The following SLC12A7 variants were observed in gnomAD, a reference collection of about 807,000 sequenced individuals.
The protein encoded by SLC12A7 is solute carrier family 12 member 7.
In SLC12A7, 100 loss-of-function variants were observed where a neutral mutation model predicts 120.6. That is an observed-to-expected ratio of 0.83 (90% CI 0.71 to 0.98). The LOEUF (loss-of-function observed/expected upper bound fraction) is 0.98. Among genes scored for constraint, SLC12A7 ranks in the 50% least tolerant of loss-of-function variants. The pLI, the probability that SLC12A7 is intolerant of heterozygous loss-of-function variation, is 0.00. For synonymous variants in SLC12A7, 760 were observed against 678.0 expected (o/e 1.12, Z -1.88); for missense variants, 1,373 against 1,548.1 (o/e 0.89, Z 1.90).
At chr5:1,078,515 G>GA in intron 11 of SLC12A7, 186 bp downstream of exon 11, 2 of 638,564 alleles carry the variant, frequency 3.1e-6, no homozygotes, top group Non-Finnish European at 5.7e-6. Context: ...CGGTTCCCCA[G>GA]GCCCTAGGCT....
intron 1 of SLC12A7, among the ~76,000 whole-genome samples, chr5:1,101,937 C>A (rs1671377407): frequency 6.6e-6 from 1 of 152,240 alleles, no homozygotes; most frequent in African/African-American, 2.4e-5. Flanking sequence ...AGCCTCCCAC[C>A]ACTTCCCCAG....
chr5:1,052,633 GGA>G (rs1352843479), intron 23 of SLC12A7, among the ~76,000 whole-genome samples, 182 bp from the exon 24 acceptor site: 3 of 152,178 alleles, frequency 2.0e-5, no homozygotes, highest in Non-Finnish European at 2.9e-5. Flanking sequence ...GCAGGGCAGG[GGA>G]GAGAGGGGCC....
At chr5:1,100,689 C>A (rs1037685069) in intron 1 of SLC12A7, among the ~76,000 whole-genome samples, 8 of 152,200 alleles carry the variant, frequency 5.3e-5, no homozygotes, top group African/African-American at 1.9e-4. Context: ...TCTTCCTCCC[C>A]GAAACACTCA....
intron 1 of SLC12A7, among the ~76,000 whole-genome samples, chr5:1,105,759 AC>A (rs1262718405): frequency 6.6e-6 from 1 of 152,152 alleles, no homozygotes; most frequent in East Asian, 1.9e-4. Flanking sequence ...GCCAAAGGAG[AC>A]CAGCCCCCCA....
At chr5:1,064,359 G>A in intron 18 of SLC12A7, 107 bp from the exon 19 acceptor site, 2 of 1,338,568 alleles carry the variant, frequency 1.5e-6, no homozygotes, top group Non-Finnish European at 2.0e-6. Flanking sequence ...AGGCGAGGGG[G>A]GTCCCCACAA....
In SLC12A7 at chr5:1,064,256, C is replaced by T. The variant is rs372764592; in HGVS notation, c.2438-4G>A. 25 of 1,604,918 alleles carry T rather than the reference C, an allele frequency of 1.6e-5. No homozygotes were observed. Among genetic ancestry groups the T allele is most frequent in the African/African-American group, 1.3e-4 (10 of 74,734 alleles). On this transcript the variant is annotated splice_polypyrimidine_tract_variant and splice_region_variant and intron_variant, in intron 18 of 23. Coordinates refer to ENST00000264930, the MANE Select transcript of SLC12A7 (RefSeq NM_006598.3). ...GCGGTGGTGTCGCGGACGGTGTCTG[C>T]GGAGAGAGGCGGCCGTCCGCAGGTC...
intron 1 of SLC12A7, among the ~76,000 whole-genome samples, chr5:1,111,406 G>A (rs1033581917): frequency 2.0e-4 from 30 of 152,174 alleles, no homozygotes; most frequent in Admixed American, 1.8e-3. Context: ...TCCAGGGTCA[G>A]GCGGGGGCAG....
intron 5 of SLC12A7, 139 bp from the exon 6 acceptor site, chr5:1,087,172 G>A (rs1739960069): frequency 5.1e-6 from 6 of 1,168,088 alleles, no homozygotes; most frequent in Admixed American, 2.9e-5. Context: ...CACCCGCAAA[G>A]CAGCACATGG....
At chr5:1,133,374 C>T in the SLC12A7 span, among the ~76,000 whole-genome samples, 1 of 152,214 alleles carries the variant, frequency 6.6e-6, no homozygotes, top group African/African-American at 2.4e-5. Context: ...GTCAGCCCCA[C>T]CTCCTCCAGG....
At position 1,085,285 on chromosome 5, in the gene SLC12A7, G is replaced by C. The variant is rs866998518; in HGVS notation, c.864C>G (p.Ile288Met). Residue 288 changes from isoleucine to methionine, a missense_variant, in exon 7 of 24, where the codon ATC becomes ATG. Physicochemically the swap from Ile to Met is conservative, Grantham distance 10. Transcript: ENST00000264930. ...LVFLACVVLS[I>M]LAIYAGVIKS... ...TGATGACGCCGGCATAGATGGCCAG[G>C]ATGGACAGCACGACGCAGGCCAGGA... The C allele has an allele frequency of 1.2e-5, 19 of 1,612,670 alleles. No homozygotes were observed. The Middle Eastern group carries it at 3.0e-3, about 252-fold the overall frequency.
intron 22 of SLC12A7, among the ~76,000 whole-genome samples, chr5:1,054,039 C>G (rs1459847130): frequency 6.6e-6 from 1 of 152,238 alleles, no homozygotes; most frequent in Non-Finnish European, 1.5e-5. Context: ...CCCACACCGG[C>G]CTGTGCAGCC....
intron 17 of SLC12A7, among the ~76,000 whole-genome samples, chr5:1,068,024 A>ACCCCTTTTATGCCAATCAGTGCC (rs1169806176): frequency 6.6e-6 from 1 of 152,052 alleles, no homozygotes; most frequent in Non-Finnish European, 1.5e-5. Context: ...GGGCCTTAGG[A>ACCCCTTTTATGCCAATCAGTGCC]CCCCTTTTAT....
At chr5:1,100,779 A>G (rs1256805405) in intron 1 of SLC12A7, among the ~76,000 whole-genome samples, 4 of 152,224 alleles carry the variant, frequency 2.6e-5, no homozygotes, top group Non-Finnish European at 5.9e-5. Flanking sequence ...GGACTCCCCA[A>G]AACTGCCACA....
chr5:1,051,116 G>T lies in SLC12A7; in HGVS notation c.*1244C>A. The stretch of plus-strand genomic sequence containing the variant: ...GCCACTGCCCGCAGCCTGCAAATGT[G>T]ACCACAACCTACAAAGCAGAAACTC... On this transcript the variant is annotated 3_prime_UTR_variant, in exon 24 of 24. Coordinates refer to ENST00000264930, the MANE Select transcript of SLC12A7 (RefSeq NM_006598.3). The T allele has an allele frequency of 2.5e-6, 1 of 395,406 alleles. No homozygotes were observed. The highest frequency in any genetic ancestry group is 4.5e-6 in the Non-Finnish European group (1 of 224,548). The allele number at this position is 395,406 out of a possible 1,614,324, so 24.5% of individuals were successfully genotyped here.
chr5:1,052,765 C>G (rs1735189702), intron 23 of SLC12A7, among the ~76,000 whole-genome samples: 1 of 152,190 alleles, frequency 6.6e-6, no homozygotes, highest in African/African-American at 2.4e-5. Flanking sequence ...GGGTCCTCAC[C>G]AGCCTACAGG....
chr5:1,065,343 T>A lies in SLC12A7; in HGVS notation c.2377A>T (p.Met793Leu). 6.2e-7 allele frequency: 1 copy of A among 1,608,278 alleles called. No individual in the cohort carries two copies. Among genetic ancestry groups the A allele is most frequent in the South Asian group, 1.1e-5 (1 of 90,770 alleles). ...LGGLKHNTVL[M>L]AWPASWKQED... Reference sequence around the variant, plus strand: ...TGCTTCCAGGATGCGGGCCAGGCCATGAGCACCGTGTTGTGCTTCAGGCCG... The same window carrying A: ...TGCTTCCAGGATGCGGGCCAGGCCAAGAGCACCGTGTTGTGCTTCAGGCCG... Residue 793 changes from methionine (M) to leucine (L), a missense_variant, in exon 18 of 24, where the codon ATG becomes TTG. Coordinates refer to ENST00000264930, the MANE Select transcript of SLC12A7 (RefSeq NM_006598.3).
chr5:1,124,176 C>T, the SLC12A7 span, among the ~76,000 whole-genome samples: 10 of 152,356 alleles, frequency 6.6e-5, no homozygotes, highest in African/African-American at 1.7e-4. Context: ...CAGCTAGATT[C>T]GTCCTCAGGG....
the SLC12A7 span, among the ~76,000 whole-genome samples, chr5:1,148,094 G>T: frequency 6.6e-6 from 1 of 152,018 alleles, no homozygotes; most frequent in Non-Finnish European, 1.5e-5. Context: ...AGGCTCTCAG[G>T]CCCTCCTGAA....
At chr5:1,142,572 T>C in the SLC12A7 span, among the ~76,000 whole-genome samples, 2 of 134,354 alleles carry the variant, frequency 1.5e-5, no homozygotes, top group Non-Finnish European at 3.2e-5. Flanking sequence ...CTGTCTCTCT[T>C]TCTGTCTCTG....
Sources: gnomAD v4.1 joint callset for allele counts (sites outside exome capture counted in the v4.1 genomes callset) on GRCh38, gnomAD v4.1.1 for gene constraint, MANE v1.5 for transcripts, NCBI Gene and HGNC (gene_info 2026-07-23, HGNC 2026-07-21) for gene names.